The following PLCG2 variants were observed in gnomAD, a reference collection of about 807,000 sequenced individuals.
PLCG2 encodes 1-phosphatidylinositol 4,5-bisphosphate phosphodiesterase gamma-2.
Under a neutral mutation model 175.6 loss-of-function variants are expected in PLCG2, and 69 were observed. The ratio of observed to expected loss-of-function variants is 0.39; its 90% CI spans 0.32 to 0.48. The LOEUF is 0.48. Ranked by LOEUF, PLCG2 falls within the 20% of genes least tolerant of loss-of-function variation. PLCG2 has a pLI of 0.91. For missense variants in PLCG2, 1,798 were observed against 1,650.9 expected (o/e 1.09, Z -1.54); for synonymous variants, 827 against 624.0 (o/e 1.33, Z -4.85).
chr16:81,874,906 A>G (rs1414484094), intron 7 of PLCG2, among the ~76,000 whole-genome samples: 3 of 149,072 alleles, frequency 2.0e-5, no homozygotes, highest in Admixed American at 6.7e-5. Flanking sequence ...ATGATAGCCA[A>G]CATTTTCTCA....
intron 1 of PLCG2, among the ~76,000 whole-genome samples, chr16:81,740,789 C>A (rs1909576887): frequency 7.3e-6 from 1 of 137,164 alleles, no homozygotes; most frequent in African/African-American, 2.8e-5. Flanking sequence ...ACAACCAAAG[C>A]TTCCTCTTCC....
chr16:81,827,984 A>T (rs1310847663), intron 2 of PLCG2, among the ~76,000 whole-genome samples: 2 of 150,266 alleles, frequency 1.3e-5, no homozygotes, highest in Admixed American at 1.3e-4. Flanking sequence ...CAGCTCTTTG[A>T]GAGGCTGAGG....
rs80070900 is a variant in PLCG2 at position 81,951,830 on chromosome 16, A to C, written c.3571-4865A>C. 8.7e-3 allele frequency among the ~76,000 whole-genome samples: 1,318 copies of C among 152,366 alleles called. 25 individuals carry two copies. Among genetic ancestry groups the C allele is most frequent in the African/African-American group, 0.03 (1,250 of 41,578 alleles). On this transcript the variant is annotated intron_variant, in intron 31 of 32. Transcript: ENST00000564138. The stretch of plus-strand genomic sequence containing the variant: ...ATAAACTAGTAGATGCCATAAATGT[A>C]AACAGCCAAATGAAATAATCAGTAT...
At chr16:81,776,902 AAGG>A (rs1343068748), upstream of PLCG2, among the ~76,000 whole-genome samples, 1 of 152,198 alleles carries the variant, frequency 6.6e-6, no homozygotes, top group Non-Finnish European at 1.5e-5. Flanking sequence ...GAAAGAGATG[AAGG>A]GCCTCCAGTA....
At chr16:81,932,202 C>A (rs558938619) in intron 25 of PLCG2, among the ~76,000 whole-genome samples, 3 of 152,104 alleles carry the variant, frequency 2.0e-5, no homozygotes, top group African/African-American at 7.2e-5. Context: ...AAGGTGTGAG[C>A]TTCTGGATAA....
intron 2 of PLCG2, among the ~76,000 whole-genome samples, chr16:81,811,415 C>T (rs1286311234): frequency 6.6e-6 from 1 of 152,162 alleles, no homozygotes; most frequent in Non-Finnish European, 1.5e-5. Context: ...TGTTAGTCAC[C>T]TGAGAAGATG....
chr16:81,820,981 T>C (rs982010432), intron 2 of PLCG2, among the ~76,000 whole-genome samples: 1 of 150,556 alleles, frequency 6.6e-6, no homozygotes, highest in Admixed American at 6.6e-5. Flanking sequence ...GGTCTAGAAC[T>C]CCTGACGTCA....
intron 2 of PLCG2, among the ~76,000 whole-genome samples, chr16:81,825,467 G>T (rs1429470766): frequency 6.6e-6 from 1 of 151,792 alleles, no homozygotes; most frequent in African/African-American, 2.4e-5. Context: ...CTAGTTTTTT[G>T]TATTTTTAGT....
intron 2 of PLCG2, among the ~76,000 whole-genome samples, chr16:81,812,762 G>C (rs1904372690): frequency 6.6e-6 from 1 of 152,152 alleles, no homozygotes; most frequent in Non-Finnish European, 1.5e-5. Context: ...CCTATGTCCT[G>C]AATGGTATTG....
chr16:81,838,907 G>A (rs970621655), intron 2 of PLCG2, among the ~76,000 whole-genome samples: 2 of 151,856 alleles, frequency 1.3e-5, no homozygotes, highest in African/African-American at 4.8e-5. Context: ...GGGTCCCGGT[G>A]ACCCAGTCCT....
intron 2 of PLCG2, among the ~76,000 whole-genome samples, chr16:81,766,462 A>C (rs1462008747): frequency 6.8e-6 from 1 of 146,094 alleles, no homozygotes; most frequent in Admixed American, 7.0e-5. Flanking sequence ...TCACTTAGCC[A>C]GCGCCTCCTC....
chr16:81,957,529 T>G (rs75246608), intron 32 of PLCG2, among the ~76,000 whole-genome samples: 1 of 152,150 alleles, frequency 6.6e-6, no homozygotes, highest in Non-Finnish European at 1.5e-5. Context: ...GGCTCTAGAC[T>G]GGGTCAAGAT....
chr16:81,882,194 T>C (rs1406386451), intron 8 of PLCG2, among the ~76,000 whole-genome samples: 1 of 152,306 alleles, frequency 6.6e-6, no homozygotes, highest in African/African-American at 2.4e-5. Flanking sequence ...TGTAGCAGAA[T>C]GTACTCCCCA....
chr16:81,865,077 G>A (rs142929093), intron 5 of PLCG2, among the ~76,000 whole-genome samples: 1 of 152,290 alleles, frequency 6.6e-6, no homozygotes, highest in Non-Finnish European at 1.5e-5. Context: ...ACAGGCAGCT[G>A]GGGAGTCACA....
chr16:81,938,818 T>A lies in PLCG2; in HGVS notation c.3216T>A (p.His1072Gln). 6.2e-7 allele frequency: 1 copy of A among 1,611,986 alleles called. No homozygotes were observed. Among genetic ancestry groups the A allele is most frequent in the Non-Finnish European group, 8.5e-7 (1 of 1,178,894 alleles). ...TLTVKVLGAR[H>Q]LPKLGRSIAC... Reference sequence around the variant, plus strand: ...TGTCCCAGGTTCTCGGTGCTCGCCATCTCCCCAAACTTGGACGAAGTATTG... The same window carrying A: ...TGTCCCAGGTTCTCGGTGCTCGCCAACTCCCCAAACTTGGACGAAGTATTG... The change falls in exon 29 of 33, where the codon CAT becomes CAA. Residue 1072 changes from histidine (H) to glutamine (Q), a missense_variant. Physicochemically the swap from His to Gln is conservative, Grantham distance 24. Transcript: ENST00000564138.
At chr16:81,771,060 A>AC (rs2143109545) in intron 2 of PLCG2, among the ~76,000 whole-genome samples, 1 of 84,088 alleles carries the variant, frequency 1.2e-5, no homozygotes, top group Non-Finnish European at 2.5e-5. Flanking sequence ...TCCATCTCAA[A>AC]AAAAAAAAAA....
intron 1 of PLCG2, among the ~76,000 whole-genome samples, chr16:81,753,106 C>T (rs988566506): frequency 9.2e-5 from 14 of 152,198 alleles, no homozygotes; most frequent in African/African-American, 2.9e-4. Flanking sequence ...CTGAGGATGG[C>T]CAGTGGCAGC....
chr16:81,791,572 T>C (rs1184950555), intron 2 of PLCG2, among the ~76,000 whole-genome samples: 1 of 152,158 alleles, frequency 6.6e-6, no homozygotes, highest in Non-Finnish European at 1.5e-5. Context: ...GATTATTTTT[T>C]GTTTGTTTGT....
intron 5 of PLCG2, chr16:81,859,416 C>T (rs1405819919): frequency 2.2e-6 from 1 of 455,254 alleles, no homozygotes; most frequent in African/African-American, 2.0e-5. Flanking sequence ...TGGACCTCAT[C>T]ACAAATATTT....
Sources: gnomAD v4.1 joint callset for allele counts (sites outside exome capture counted in the v4.1 genomes callset) on GRCh38, gnomAD v4.1.1 for gene constraint, MANE v1.5 for transcripts, NCBI Gene and HGNC (gene_info 2026-07-23, HGNC 2026-07-21) for gene names.